The following CPT1A variants were observed in gnomAD, a reference collection of about 807,000 sequenced individuals.
CPT1A encodes carnitine O-palmitoyltransferase 1, liver isoform.
In CPT1A, 64 loss-of-function variants were observed where a neutral mutation model predicts 100.8. The observed-to-expected ratio is 0.63, with a 90% CI of 0.52 to 0.78. The LOEUF (loss-of-function observed/expected upper bound fraction) is 0.78. Ranked by LOEUF, CPT1A falls within the 30% of genes least tolerant of loss-of-function variation. The pLI is 0.00. For synonymous variants in CPT1A, 363 were observed against 396.0 expected, an observed-to-expected ratio of 0.92 and a Z score of 0.99; for missense variants, 802 against 1,034.1, an observed-to-expected ratio of 0.78 and a Z score of 3.08.
chr11:68,818,079 G>A (rs1486941748), intron 1 of CPT1A, among the ~76,000 whole-genome samples: 1 of 152,184 alleles, frequency 6.6e-6, no homozygotes, highest in Non-Finnish European at 1.5e-5. Flanking sequence ...TATGGAGTAT[G>A]GATGGGGATG....
chr11:68,794,810 G>T lies in CPT1A; in HGVS notation c.873C>A (p.Ile291=). Reference sequence around the variant, plus strand: ...AAGCAATTTGTTTGCCTACTGGTTTGATTTCCTCCCGGTCCAGTTTGCGCC... The same window carrying T: ...AAGCAATTTGTTTGCCTACTGGTTTTATTTCCTCCCGGTCCAGTTTGCGCC... ...LYRRKLDREE[I]KPIRLLGSTI... The change falls in exon 8 of 19, where the codon ATC becomes ATA. Residue 291 remains isoleucine (I), a synonymous_variant. Transcript: ENST00000265641. 2 of 1,613,690 alleles carry T rather than the reference G, an allele frequency of 1.2e-6. No individual in the cohort carries two copies. Among genetic ancestry groups the T allele is most frequent in the South Asian group, 2.2e-5 (2 of 91,068 alleles).
intron 5 of CPT1A, among the ~76,000 whole-genome samples, chr11:68,800,388 C>A (rs1476390694): frequency 6.6e-6 from 1 of 151,908 alleles, no homozygotes; most frequent in African/African-American, 2.4e-5. Context: ...CACCTGTAAT[C>A]CCAGCACTTT....
rs548406941 is a variant in CPT1A at position 68,798,306 on chromosome 11, G to A, written c.693+912C>T. Among the ~76,000 whole-genome samples, 16 of 152,310 alleles carry A rather than the reference G, an allele frequency of 1.1e-4. No individual in the cohort carries two copies. In the South Asian group the frequency reaches 2.3e-3, roughly 22 times the overall value. On this transcript the variant is annotated intron_variant, in intron 6 of 18. Transcript: ENST00000265641. ...GCGGAGAGCTGTGCAGAGAGCTGAC[G>A]TTTACCAGTCCAGCACACCGGTGCA...
In CPT1A at chr11:68,841,451, G is replaced by C. The variant is rs1453188308; in HGVS notation, c.-14+324C>G. On this transcript the variant is annotated intron_variant, in intron 1 of 18. Transcript: ENST00000265641. This position sits in a 1 kb window ranked among gnomAD's most constrained non-coding sequence, Gnocchi z 6.3. Reference sequence around the variant, plus strand: ...GGGAGCCGGTGGCCCCGCTGGCCCCGGGCCGGAGGCGTCCAGCCAAGTCCG... The same window carrying C: ...GGGAGCCGGTGGCCCCGCTGGCCCCCGGCCGGAGGCGTCCAGCCAAGTCCG... Among the ~76,000 whole-genome samples, 1 of 151,940 alleles carries C rather than the reference G, an allele frequency of 6.6e-6. No homozygotes were observed. The highest frequency in any genetic ancestry group is 1.9e-4 in the East Asian group (1 of 5,156).
At chr11:68,818,402 C>G (rs1856489917) in intron 1 of CPT1A, among the ~76,000 whole-genome samples, 1 of 152,146 alleles carries the variant, frequency 6.6e-6, no homozygotes, top group Admixed American at 6.5e-5. Flanking sequence ...GGTGGAGATG[C>G]CCCACATCGC....
In CPT1A at chr11:68,754,937, T is replaced by A; in HGVS notation, c.*2707A>T. 5.4e-6 allele frequency: 4 copies of A among 747,484 alleles called. No individual in the cohort carries two copies. In the South Asian group the frequency reaches 5.6e-5, roughly 10 times the overall value. 46.3% of individuals were successfully genotyped at this position (747,484 alleles called of 1,614,324 possible). On this transcript the variant is annotated 3_prime_UTR_variant, in exon 19 of 19. Transcript: ENST00000265641. ...AATGATAACCTACATTCACACTGCA[T>A]TTCTAAGATTTACATCCAAAGAGCA...
At chr11:68,832,188 C>G (rs1856897595) in intron 1 of CPT1A, among the ~76,000 whole-genome samples, 1 of 152,212 alleles carries the variant, frequency 6.6e-6, no homozygotes, top group Admixed American at 6.5e-5. Flanking sequence ...GTGGCTCACG[C>G]CTCTAATCCC....
intron 4 of CPT1A, among the ~76,000 whole-genome samples, chr11:68,806,633 GAAAA>G (rs775579381): frequency 1.2e-4 from 11 of 92,500 alleles, no homozygotes; most frequent in African/African-American, 1.8e-4. Context: ...GTCTCAAAAA[GAAAA>G]AAAAAAAAAA....
chr11:68,777,843 A>G (rs914393034), intron 12 of CPT1A, among the ~76,000 whole-genome samples: 1 of 152,198 alleles, frequency 6.6e-6, no homozygotes, highest in African/African-American at 2.4e-5. Flanking sequence ...GGCCTGGGGT[A>G]TAACAAGCCC....
chr11:68,794,676 G>T, intron 8 of CPT1A, 128 bp downstream of exon 8: 1 of 828,684 alleles, frequency 1.2e-6, no homozygotes, highest in Non-Finnish European at 2.0e-6. Context: ...CTCCCAAAGT[G>T]CCAAGATTAC....
intron 10 of CPT1A, among the ~76,000 whole-genome samples, chr11:68,782,924 G>A (rs1296269621): frequency 6.6e-6 from 1 of 152,198 alleles, no homozygotes; most frequent in East Asian, 1.9e-4. Context: ...GGGGGCATCG[G>A]GACCGAGGCG....
At chr11:68,786,461 C>G (rs1394447909) in intron 9 of CPT1A, among the ~76,000 whole-genome samples, 2 of 152,190 alleles carry the variant, frequency 1.3e-5, no homozygotes, top group Non-Finnish European at 2.9e-5. Context: ...GCCCTTCCAC[C>G]CCCACTAAGG....
chr11:68,792,806 C>T (rs546947442), intron 9 of CPT1A, among the ~76,000 whole-genome samples: 9 of 152,292 alleles, frequency 5.9e-5, no homozygotes, highest in East Asian at 1.9e-4. Context: ...CCCAGCACTT[C>T]GGGAGGCCGA....
intron 12 of CPT1A, among the ~76,000 whole-genome samples, chr11:68,780,037 C>A (rs1855262599): frequency 6.6e-6 from 1 of 152,096 alleles, no homozygotes; most frequent in Non-Finnish European, 1.5e-5. Flanking sequence ...CCAGGAAAAA[C>A]CGAGCTTCAC....
intron 6 of CPT1A, among the ~76,000 whole-genome samples, chr11:68,798,689 A>C (rs1381417037): frequency 2.0e-5 from 3 of 151,978 alleles, no homozygotes; most frequent in Admixed American, 6.6e-5. Flanking sequence ...CGAGCTCGGG[A>C]AGGATGCCCT....
At position 68,812,619 on chromosome 11, in the gene CPT1A, C is replaced by T. The variant is rs935650013; in HGVS notation, c.142-43G>A. 3.1e-6 allele frequency: 5 copies of T among 1,612,674 alleles called. No homozygotes were observed. In the African/African-American group the frequency reaches 5.3e-5, roughly 17 times the overall value. Reference sequence around the variant, plus strand: ...GGCCGTGAGCGGTGTCCTCCCACAACCCACAGGGCAATGACGCTTCATGGC... The same window carrying T: ...GGCCGTGAGCGGTGTCCTCCCACAATCCACAGGGCAATGACGCTTCATGGC... On this transcript the variant is annotated intron_variant, in intron 2 of 18. Coordinates refer to ENST00000265641, the MANE Select transcript of CPT1A (RefSeq NM_001876.4).
intron 1 of CPT1A, among the ~76,000 whole-genome samples, chr11:68,839,168 C>A (rs1027796467): frequency 5.9e-5 from 9 of 152,134 alleles, no homozygotes; most frequent in African/African-American, 2.2e-4. Flanking sequence ...TTTTTTCCAA[C>A]AAAGGAAAAA....
upstream of CPT1A, chr11:68,841,971 A>G (rs2154003403): frequency 2.0e-6 from 2 of 985,068 alleles, no homozygotes; most frequent in Non-Finnish European, 2.4e-6. The surrounding 1 kb of genome is among the most constrained non-coding windows in gnomAD (Gnocchi z 6.3). Flanking sequence ...CGGCGCGCGG[A>G]GGGCGGGCCC....
rs1481007718 is a variant in CPT1A at position 68,775,858 on chromosome 11, G to A, written c.1459-426C>T. Among the ~76,000 whole-genome samples, 3 of 152,144 alleles carry A rather than the reference G, an allele frequency of 2.0e-5. No homozygotes were observed. In the South Asian group the frequency reaches 6.2e-4, roughly 32 times the overall value. ...TGAAATATACCTGTATGACCCAGCA[G>A]TTCCACTCCTAGGTACATACTCACT... On this transcript the variant is annotated intron_variant, in intron 12 of 18. Transcript: ENST00000265641.
Sources: gnomAD v4.1 joint callset for allele counts (sites outside exome capture counted in the v4.1 genomes callset) on GRCh38, gnomAD v4.1.1 for gene constraint, Gnocchi (gnomAD v3.1) non-coding constraint, MANE v1.5 for transcripts, NCBI Gene and HGNC (gene_info 2026-07-23, HGNC 2026-07-21) for gene names.